Variants in CSMD1 observed in about 807,000 individuals in gnomAD.
CSMD1 encodes the protein CUB and sushi domain-containing protein 1.
CSMD1 carries 213 observed loss-of-function variants against 417.5 expected under a neutral mutation model. That is an observed-to-expected ratio of 0.51 (90% CI 0.46 to 0.57). The LOEUF (loss-of-function observed/expected upper bound fraction) is 0.57. CSMD1 is among the 20% of genes least tolerant of loss of function. The pLI is 0.00. For synonymous variants in CSMD1, 2,862 were observed against 1,736.8 expected (o/e 1.65, Z -16.11); for missense variants, 6,923 against 4,529.7 (o/e 1.53, Z -15.17).
At chr8:4,269,294 T>A (rs573040098) in intron 3 of CSMD1, among the ~76,000 whole-genome samples, 17 of 152,190 alleles carry the variant, frequency 1.1e-4, no homozygotes, top group Non-Finnish European at 2.2e-4. Context: ...CAACTCTTGA[T>A]CTCAGGTGAT....
intron 10 of CSMD1, among the ~76,000 whole-genome samples, chr8:3,559,878 A>G (rs1216618223): frequency 2.0e-5 from 3 of 152,188 alleles, no homozygotes; most frequent in African/African-American, 4.8e-5. Context: ...CACAGTGAGA[A>G]TGGAAGAGGG....
At chr8:3,229,503 T>C (rs1798704755) in intron 27 of CSMD1, among the ~76,000 whole-genome samples, 1 of 152,196 alleles carries the variant, frequency 6.6e-6, no homozygotes, top group African/African-American at 2.4e-5. Flanking sequence ...TTTGTTATCC[T>C]TTTAATAAGG....
chr8:3,684,194 A>G (rs1178266700), intron 7 of CSMD1, among the ~76,000 whole-genome samples: 5 of 51,180 alleles, frequency 9.8e-5, no homozygotes, highest in African/African-American at 1.3e-4. Flanking sequence ...TGTAATATAT[A>G]TAACATGTAA....
rs148170405 is a variant in CSMD1, at chr8:4,171,075, C to T, written c.416-138976G>A. The stretch of plus-strand genomic sequence containing the variant: ...CCTCATCTGTCAGTGTTCCCCTCCA[C>T]GGTGCTTACCAGAGTCCAGCTGTAC... On this transcript the variant is annotated intron_variant, in intron 3 of 69. Transcript: ENST00000635120. Among the ~76,000 whole-genome samples the T allele has an allele frequency of 4.8e-4, 73 of 151,984 alleles. 2 individuals are homozygous for T. The highest frequency in any genetic ancestry group is 3.4e-3 in the Middle Eastern group (1 of 292).
chr8:3,919,370 C>T (rs1809063404), intron 5 of CSMD1, among the ~76,000 whole-genome samples: 1 of 152,052 alleles, frequency 6.6e-6, no homozygotes, highest in African/African-American at 2.4e-5. Context: ...TCAGTTGTCT[C>T]AATCTCATGT....
chr8:4,303,941 T>C (rs1297523622), intron 3 of CSMD1, among the ~76,000 whole-genome samples: 1 of 152,098 alleles, frequency 6.6e-6, no homozygotes, highest in Non-Finnish European at 1.5e-5. Context: ...AAGGATAAGC[T>C]CCAGCTGCCA....
chr8:3,421,296 A>T (rs944850596), intron 12 of CSMD1, among the ~76,000 whole-genome samples: 1 of 152,180 alleles, frequency 6.6e-6, no homozygotes, highest in Non-Finnish European at 1.5e-5. Flanking sequence ...CTCCACAAGG[A>T]AACAGTTGGA....
At chr8:3,989,063 A>T (rs1014125090) in intron 5 of CSMD1, among the ~76,000 whole-genome samples, 13 of 152,234 alleles carry the variant, frequency 8.5e-5, no homozygotes, top group Admixed American at 4.6e-4. Context: ...TAGGGCAGAA[A>T]TCTGAACTCT....
intron 3 of CSMD1, among the ~76,000 whole-genome samples, chr8:4,300,187 G>A (rs1045430111): frequency 2.0e-5 from 3 of 152,066 alleles, no homozygotes; most frequent in Non-Finnish European, 2.9e-5. Context: ...TTTCCTTTTT[G>A]CCTATCTCAC....
chr8:3,219,133 G>T, intron 29 of CSMD1, 122 bp downstream of exon 29: 1 of 730,916 alleles, frequency 1.4e-6, no homozygotes, highest in Non-Finnish European at 2.2e-6. Flanking sequence ...TTCCCAGACA[G>T]AGGAGACACA....
chr8:3,898,836 G>C (rs76481150), intron 5 of CSMD1, among the ~76,000 whole-genome samples: 1,765 of 152,212 alleles, frequency 0.012, 11 homozygotes, highest in Middle Eastern at 0.02. Flanking sequence ...ATTATTTATT[G>C]ATTTCTCAGG....
chr8:3,195,635 G>C (rs931324917), intron 33 of CSMD1, among the ~76,000 whole-genome samples: 1 of 152,170 alleles, frequency 6.6e-6, no homozygotes, highest in African/African-American at 2.4e-5. Context: ...GGTCCTGCCA[G>C]TCCCTGCTTG....
At chr8:2,997,687 T>G (rs968459783) in intron 54 of CSMD1, among the ~76,000 whole-genome samples, 1 of 152,302 alleles carries the variant, frequency 6.6e-6, no homozygotes, top group Middle Eastern at 3.4e-3. Flanking sequence ...GTCATAAAAT[T>G]AGAAGCATAA....
chr8:4,530,668 C>A (rs983714276), intron 2 of CSMD1, among the ~76,000 whole-genome samples: 12 of 151,244 alleles, frequency 7.9e-5, no homozygotes, highest in African/African-American at 2.4e-4. Context: ...CTGCAAAGGG[C>A]ATGAACTCAT....
intron 1 of CSMD1, among the ~76,000 whole-genome samples, chr8:4,844,218 A>C (rs1453020214): frequency 6.6e-6 from 1 of 152,166 alleles, no homozygotes; most frequent in Non-Finnish European, 1.5e-5. Flanking sequence ...GCACCTGGTA[A>C]TTTCAAGTAG....
In CSMD1 at chr8:4,787,178, G is replaced by A. The variant is rs75152972; in HGVS notation, c.86-149620C>T. ...GGGTTCGGCCGCTGTAGCGGAGCTC[G>A]GAAAGAGTGGCGCAGGGTCGCGGGG... On this transcript the variant is annotated intron_variant, in intron 1 of 69. Coordinates refer to ENST00000635120, the MANE Select transcript of CSMD1 (RefSeq NM_033225.6). 6.4e-4 allele frequency among the ~76,000 whole-genome samples: 98 copies of A among 152,322 alleles called. No homozygotes were observed. The East Asian group carries it at 0.014, about 22-fold the overall frequency.
chr8:4,198,936 G>C (rs561722670), intron 3 of CSMD1, among the ~76,000 whole-genome samples: 1 of 141,740 alleles, frequency 7.1e-6, no homozygotes, highest in Admixed American at 6.8e-5. Context: ...TTGTATTTCC[G>C]TGTGTGTATT....
rs193301426 is a variant in CSMD1, at chr8:4,916,246, G to A, written c.85+78086C>T. ...CAATTATAAAACTAAATAGAATTTC[G>A]GCACACTACGATGACAAGAACACGG... is the stretch of plus-strand genomic sequence containing the variant. On this transcript the variant is annotated intron_variant, in intron 1 of 69. Transcript: ENST00000635120. 2.8e-3 allele frequency among the ~76,000 whole-genome samples: 414 copies of A among 149,182 alleles called. 5 individuals carry two copies. Among genetic ancestry groups the A allele is most frequent in the Middle Eastern group, 0.01 (3 of 288 alleles).
intron 2 of CSMD1, among the ~76,000 whole-genome samples, chr8:4,448,818 G>T (rs1041248104): frequency 1.3e-5 from 2 of 152,014 alleles, no homozygotes; most frequent in Non-Finnish European, 2.9e-5. Context: ...CCTAATTCTG[G>T]GACAGGGTAA....
Sources: allele counts gnomAD v4.1 joint callset (sites outside exome capture counted in the v4.1 genomes callset), GRCh38; gene constraint gnomAD v4.1.1; transcripts MANE v1.5; gene names NCBI Gene and HGNC (gene_info 2026-07-23, HGNC 2026-07-21).